ZZEF1: variants seen among roughly 807,000 people sequenced by gnomAD.
The protein encoded by ZZEF1 is zinc finger ZZ-type and EF-hand domain containing 1, also known as zinc finger ZZ-type and EF-hand domain-containing protein 1.
ZZEF1 carries 157 observed loss-of-function variants against 342.8 expected under a neutral mutation model. The observed-to-expected ratio is 0.46, with a 90% confidence interval of 0.40 to 0.52. The LOEUF (loss-of-function observed/expected upper bound fraction) is 0.52. Among genes scored for constraint, ZZEF1 ranks in the 20% least tolerant of loss-of-function variants. ZZEF1 has a pLI of 0.00. For synonymous variants in ZZEF1, 1,505 were observed against 1,429.1 expected (o/e 1.05, Z -1.20); for missense variants, 3,480 against 3,725.6 (o/e 0.93, Z 1.72).
Position 4,006,157 on chromosome 17 carries a change from G to A in ZZEF1, c.*733C>T, listed in dbSNP as rs1376701342. The A allele has an allele frequency of 2.0e-5, 3 of 153,552 alleles. No homozygotes were observed. The highest frequency in any genetic ancestry group is 7.2e-5 in the African/African-American group (3 of 41,462). The allele number at this position is 153,552 out of a possible 1,614,324, so 9.5% of individuals were successfully genotyped here. ...CCGGTCATGCCCTCGAGCCCCTCCA[G>A]GGAGACAGTGTGGTTCTGCTCTAAA... On this transcript the variant is annotated 3_prime_UTR_variant, in exon 55 of 55. Coordinates refer to ENST00000381638, the MANE Select transcript of ZZEF1 (RefSeq NM_015113.4).
Position 4,064,388 on chromosome 17 carries a change from A to T in ZZEF1, c.4691T>A (p.Ile1564Asn), listed in dbSNP as rs749395202. The change falls in exon 29 of 55, where the codon ATT becomes AAT. Residue 1564 changes from isoleucine to asparagine, a missense_variant. Physicochemically the swap from Ile to Asn is moderately radical, Grantham distance 149 (BLOSUM62 -3). This residue lies in a region of ZZEF1 where 1,528 missense variants were observed against 1,624.1 expected (regional missense o/e 0.94). Transcript: ENST00000381638. The part of the protein sequence containing the change: ...YPVLKDVMDF[I>N]KDQSLSHRSV... ...CCTGTGCGAGAGCGACTGATCCTTAATGAAGTCCATGACGTCCTTCAGCAC... is the reference window on the plus strand; with the variant it reads ...CCTGTGCGAGAGCGACTGATCCTTATTGAAGTCCATGACGTCCTTCAGCAC... 3.1e-6 allele frequency: 5 copies of T among 1,601,214 alleles called. No homozygotes were observed.
chr17:4,039,851 A>G (rs1008648504), intron 39 of ZZEF1, among the ~76,000 whole-genome samples: 5 of 152,102 alleles, frequency 3.3e-5, no homozygotes, highest in Non-Finnish European at 4.4e-5. Context: ...TCACTGTGTT[A>G]GCCAGGATGG....
At chr17:4,065,284 C>CTA (rs2057370582) in intron 28 of ZZEF1, among the ~76,000 whole-genome samples, 2 of 152,030 alleles carry the variant, frequency 1.3e-5, no homozygotes, top group African/African-American at 4.8e-5. Context: ...ATAATCTTAT[C>CTA]TACTTGGGAG....
Position 4,064,835 on chromosome 17 carries a change from T to A in ZZEF1, c.4250-6A>T. ...CTTCTCAATGCACTCTTTTGCTAGA[T>A]GCAAACAAGAATCATAATTGAAAAA... On this transcript the variant is annotated splice_region_variant and splice_polypyrimidine_tract_variant and intron_variant, in intron 28 of 54. Transcript: ENST00000381638. 1.4e-6 allele frequency: 2 copies of A among 1,385,738 alleles called. No homozygotes were observed. Among genetic ancestry groups the A allele is most frequent in the Non-Finnish European group, 1.9e-6 (2 of 1,052,494 alleles). The allele number at this position is 1,385,738 out of a possible 1,614,324, so 85.8% of individuals were successfully genotyped here. A position where few individuals can be genotyped will look rare whatever the true frequency, so the allele number is the denominator to read the frequency against.
At chr17:4,128,742 G>A (rs1398804378) in intron 1 of ZZEF1, among the ~76,000 whole-genome samples, 2 of 150,838 alleles carry the variant, frequency 1.3e-5, no homozygotes, top group Non-Finnish European at 2.9e-5. Context: ...GATTAAAGGC[G>A]TGAGCTACTG....
Position 4,016,265 on chromosome 17 carries a change from G to A in ZZEF1, c.8145+58C>T. On this transcript the variant is annotated intron_variant, in intron 49 of 54. Coordinates refer to ENST00000381638, the MANE Select transcript of ZZEF1 (RefSeq NM_015113.4). This position sits in a 1 kb window ranked among gnomAD's most constrained non-coding sequence, Gnocchi z 4.4. ...GCATGGAGGGGCTGAGCACGGAGGGGCTGACGAGGTCTCTGCGGCTCAGTC... is the reference window on the plus strand; with the variant it reads ...GCATGGAGGGGCTGAGCACGGAGGGACTGACGAGGTCTCTGCGGCTCAGTC... 2 of 1,562,122 alleles carry A rather than the reference G, an allele frequency of 1.3e-6. No homozygotes were observed. Among genetic ancestry groups the A allele is most frequent in the Non-Finnish European group, 1.7e-6 (2 of 1,158,650 alleles).
intron 2 of ZZEF1, among the ~76,000 whole-genome samples, chr17:4,123,350 T>G (rs1423580600): frequency 1.4e-5 from 2 of 144,006 alleles, no homozygotes; most frequent in African/African-American, 5.1e-5. Context: ...GGTACTATCC[T>G]TGGTTTCAGG....
At chr17:4,059,106 T>C in intron 31 of ZZEF1, 65 bp downstream of exon 31, 1 of 1,380,972 alleles carries the variant, frequency 7.2e-7, no homozygotes, top group Non-Finnish European at 9.6e-7. Flanking sequence ...AGTGAACATA[T>C]ATTTCTTTTA....
At chr17:4,043,650 A>AGT (rs1489770455) in intron 38 of ZZEF1, among the ~76,000 whole-genome samples, 1 of 152,056 alleles carries the variant, frequency 6.6e-6, no homozygotes, top group Non-Finnish European at 1.5e-5. Context: ...ATCATCCTCT[A>AGT]GTGTTCCACT....
At position 4,109,678 on chromosome 17, in the gene ZZEF1, C is replaced by G; in HGVS notation, c.1252G>C (p.Val418Leu). The G allele has an allele frequency of 6.2e-7, 1 of 1,614,088 alleles. No homozygotes were observed. The highest frequency in any genetic ancestry group is 8.5e-7 in the Non-Finnish European group (1 of 1,179,998). ...TASMETNPAF[V>L]QTVLHNTQKA... Reference sequence around the variant, plus strand: ...TGAGTATTGTGCAGCACTGTCTGGACAAAGGCGGGATTTGTCTCCATAGAA... The same window carrying G: ...TGAGTATTGTGCAGCACTGTCTGGAGAAAGGCGGGATTTGTCTCCATAGAA... The change falls in exon 6 of 55, where the codon GTC becomes CTC. Residue 418 changes from valine (V) to leucine (L), a missense_variant. Val to Leu is a conservative substitution (Grantham distance 32). Transcript: ENST00000381638.
At chr17:4,094,083 A>G (rs2057992638) in intron 11 of ZZEF1, among the ~76,000 whole-genome samples, 1 of 152,082 alleles carries the variant, frequency 6.6e-6, no homozygotes, top group African/African-American at 2.4e-5. Flanking sequence ...ATGTTGACCT[A>G]AGTTCTCTTC....
rs1022309638 is a variant in ZZEF1 at position 4,041,383 on chromosome 17, A to C, written c.6306+1046T>G. On this transcript the variant is annotated intron_variant, in intron 39 of 54. Transcript: ENST00000381638. ...AACTCCCACGTAGAAGTTCACGTAA[A>C]AATGCTCCTCTGAGTCTGAGCATCT... Among the ~76,000 whole-genome samples the C allele has an allele frequency of 3.0e-4, 45 of 152,114 alleles. 1 individual carries two copies. The highest frequency in any genetic ancestry group is 2.6e-4 in the Admixed American group (4 of 15,274).
Position 4,022,799 on chromosome 17 carries a change from A to T in ZZEF1, c.7122T>A (p.Thr2374=), listed in dbSNP as rs202133620. ...ACTTCAGCAAATCGGTCTGAAGGAAAGTAGCACGGATCTCCTCAAAACCGT... is the reference window on the plus strand; with the variant it reads ...ACTTCAGCAAATCGGTCTGAAGGAATGTAGCACGGATCTCCTCAAAACCGT... The part of the protein sequence containing the change: ...KAHGFEEIRA[T]FLQTDLLKLL... The change falls in exon 44 of 55, where the codon ACT becomes ACA. Residue 2374 remains threonine (T), a synonymous_variant. Transcript: ENST00000381638. 187 of 1,613,778 alleles carry T rather than the reference A, an allele frequency of 1.2e-4. No individual in the cohort carries two copies. The highest frequency in any genetic ancestry group is 1.5e-4 in the Non-Finnish European group (173 of 1,180,018).
chr17:4,086,561 C>G lies in ZZEF1; in HGVS notation c.2437G>C (p.Glu813Gln), dbSNP rs557028372. The change falls in exon 15 of 55, where the codon GAG becomes CAG. Residue 813 changes from glutamate (E) to glutamine (Q), a missense_variant. Around this residue, in one of 5 missense-constraint regions of ZZEF1, gnomAD observed 1,528 missense variants for 1,624.1 expected, o/e 0.94. Coordinates refer to ENST00000381638, the MANE Select transcript of ZZEF1 (RefSeq NM_015113.4). Reference protein sequence around the residue: ...VLQGDVLAASEEEKAPIQSPK... With the variant: ...VLQGDVLAASQEEKAPIQSPK... ...CTTTGGATTGGAGCCTTTTCCTCCT[C>G]AGAAGCAGCCAGTACATCTCCCTGC... 40 of 1,614,196 alleles carry G rather than the reference C, an allele frequency of 2.5e-5. No homozygotes were observed. In the South Asian group the frequency reaches 4.4e-4, roughly 18 times the overall value.
In ZZEF1 at chr17:4,089,248, C is replaced by T. The variant is rs538269237; in HGVS notation, c.2026-355G>A. On this transcript the variant is annotated intron_variant, in intron 12 of 54. Transcript: ENST00000381638. ...ATAAGACGAAAACAGTCAATGCCCT[C>T]CACCTCAAAGCCCCCAAGTGATATA... Among the ~76,000 whole-genome samples, 4 of 152,310 alleles carry T rather than the reference C, an allele frequency of 2.6e-5. No individual in the cohort carries two copies. The South Asian group carries it at 8.3e-4, about 32-fold the overall frequency.
At chr17:4,111,181 GAT>G (rs1024977998) in intron 5 of ZZEF1, among the ~76,000 whole-genome samples, 2 of 152,084 alleles carry the variant, frequency 1.3e-5, no homozygotes, top group Non-Finnish European at 2.9e-5. Context: ...AAGGTGTGTA[GAT>G]ATGTGTGCAT....
intron 1 of ZZEF1, among the ~76,000 whole-genome samples, chr17:4,132,432 C>T (rs1413067032): frequency 1.3e-5 from 2 of 152,216 alleles, no homozygotes; most frequent in Non-Finnish European, 2.9e-5. Flanking sequence ...GATCCACCTG[C>T]CTCCGCCTGT....
intron 1 of ZZEF1, among the ~76,000 whole-genome samples, chr17:4,124,895 G>C (rs905650759): frequency 6.6e-6 from 1 of 152,176 alleles, no homozygotes; most frequent in African/African-American, 2.4e-5. Context: ...GGACAGTAGA[G>C]ATTTGGTTTA....
Position 4,033,001 on chromosome 17 carries a change from G to A in ZZEF1, c.6586C>T (p.Arg2196Trp), listed in dbSNP as rs201361449. ...FSLGAVCLDS[R>W]VGLDWACSMA... ...GAGCACGCCCAGTCCAAGCCCACCCGGCTGGAAGGCAAGAGCTCCATTAGG... is the reference window on the plus strand; with the variant it reads ...GAGCACGCCCAGTCCAAGCCCACCCAGCTGGAAGGCAAGAGCTCCATTAGG... Residue 2196 changes from arginine (R) to tryptophan (W), a missense_variant and splice_region_variant, in exon 41 of 55, where the codon CGG (arginine) becomes TGG (tryptophan). This residue lies in a region of ZZEF1 where 1,269 missense variants were observed against 1,342.4 expected (regional missense o/e 0.95). Coordinates refer to ENST00000381638, the MANE Select transcript of ZZEF1 (RefSeq NM_015113.4). The A allele has an allele frequency of 2.7e-5, 42 of 1,562,672 alleles. No individual in the cohort carries two copies. The Admixed American group carries it at 4.6e-4, about 17-fold the overall frequency.
Sources: allele counts gnomAD v4.1 joint callset (sites outside exome capture counted in the v4.1 genomes callset), GRCh38; gene constraint gnomAD v4.1.1; regional missense constraint gnomAD v4.1.1; non-coding constraint Gnocchi (gnomAD v3.1); transcripts MANE v1.5; gene names NCBI Gene and HGNC (gene_info 2026-07-23, HGNC 2026-07-21).